The following CRPPA variants were observed in gnomAD, a reference collection of about 807,000 sequenced individuals.
CRPPA encodes the protein D-ribitol-5-phosphate cytidylyltransferase.
In CRPPA, 43 loss-of-function variants were observed where a neutral mutation model predicts 52.0. That is an observed-to-expected ratio of 0.83 (90% confidence interval 0.65 to 1.07). The LOEUF (loss-of-function observed/expected upper bound fraction) is 1.07, where lower values mean the gene tolerates loss of function less well. CRPPA is among the 50% of genes least tolerant of loss of function. CRPPA has a pLI of 0.00. For missense variants in CRPPA, 629 were observed against 551.7 expected, an observed-to-expected ratio of 1.14 and a Z score of -1.40; for synonymous variants, 250 against 203.5, an observed-to-expected ratio of 1.23 and a Z score of -1.94.
At chr7:16,269,531 T>C (rs1338704410) in intron 6 of CRPPA, 5 of 152,178 alleles carry the variant, frequency 3.3e-5, no homozygotes, top group Non-Finnish European at 4.4e-5. Context: ...ATAGACTTTT[T>C]TTTACCCTCA....
At chr7:16,103,555 CAG>C (rs1373606378) in intron 9 of CRPPA, among the ~76,000 whole-genome samples, 1 of 152,118 alleles carries the variant, frequency 6.6e-6, no homozygotes, top group East Asian at 1.9e-4. Flanking sequence ...GAACTGGAAA[CAG>C]TGTCAAAAAC....
intron 2 of CRPPA, among the ~76,000 whole-genome samples, chr7:16,381,216 A>C (rs997640362): frequency 6.6e-6 from 1 of 152,184 alleles, no homozygotes; most frequent in African/African-American, 2.4e-5. Context: ...GTTTCAAAGA[A>C]CATCTTTATT....
chr7:16,324,949 C>G (rs1185187784), intron 3 of CRPPA, among the ~76,000 whole-genome samples: 1 of 152,194 alleles, frequency 6.6e-6, no homozygotes, highest in African/African-American at 2.4e-5. Context: ...ATGACAATTC[C>G]TGCTAAGGAT....
At chr7:16,357,349 T>C (rs762718168) in intron 3 of CRPPA, among the ~76,000 whole-genome samples, 1 of 152,104 alleles carries the variant, frequency 6.6e-6, no homozygotes, top group South Asian at 2.1e-4. Context: ...TGGCTAATTT[T>C]TGTAGTTTTA....
At chr7:16,232,409 C>T (rs908452919) in intron 8 of CRPPA, among the ~76,000 whole-genome samples, 10 of 152,166 alleles carry the variant, frequency 6.6e-5, no homozygotes, top group African/African-American at 2.4e-4. Flanking sequence ...ATGAGTTCAG[C>T]CCACTTCTCT....
In CRPPA at chr7:16,089,452, CAT is replaced by C. The variant is rs1011122551; in HGVS notation, c.*2241_*2242del. 4.2e-5 allele frequency: 12 copies of C among 287,666 alleles called. No individual in the cohort carries two copies. Among genetic ancestry groups the C allele is most frequent in the African/African-American group, 1.1e-4 (4 of 34,814 alleles). 17.8% of individuals were successfully genotyped at this position (287,666 alleles called of 1,614,324 possible). On this transcript the variant is annotated 3_prime_UTR_variant, in exon 10 of 10. Transcript: ENST00000407010. ...ATATGTGTATATATGTACGTGCATA[CAT>C]ATATGTGTATATATGTACGTACATA...
chr7:16,276,021 G>A (rs1784196545), intron 6 of CRPPA, among the ~76,000 whole-genome samples: 2 of 151,786 alleles, frequency 1.3e-5, no homozygotes, highest in Admixed American at 6.6e-5. Flanking sequence ...GTCAGACTTG[G>A]AATAACTTAG....
At chr7:16,376,356 T>G in intron 2 of CRPPA, 115 bp from the exon 3 acceptor site, 1 of 1,021,008 alleles carries the variant, frequency 9.8e-7, no homozygotes, top group South Asian at 1.9e-5. Flanking sequence ...CAAGCTACCT[T>G]AAGAAAACAT....
chr7:16,127,336 G>C (rs914994321), intron 9 of CRPPA, among the ~76,000 whole-genome samples: 3 of 151,990 alleles, frequency 2.0e-5, no homozygotes, highest in Admixed American at 6.6e-5. Context: ...TTGTACTTGA[G>C]TTGTAGGCTA....
intron 3 of CRPPA, among the ~76,000 whole-genome samples, chr7:16,349,025 T>A (rs1331089174): frequency 1.3e-5 from 2 of 152,224 alleles, no homozygotes; most frequent in Non-Finnish European, 2.9e-5. Flanking sequence ...AGGGTGCAGC[T>A]TGAATGTGAG....
chr7:16,093,411 C>T lies in CRPPA; in HGVS notation c.1252-1612G>A, dbSNP rs114359542. Among the ~76,000 whole-genome samples the T allele has an allele frequency of 5.5e-3, 842 of 152,212 alleles. 8 individuals are homozygous for T. Among genetic ancestry groups the T allele is most frequent in the African/African-American group, 0.019 (770 of 41,522 alleles). The stretch of plus-strand genomic sequence containing the variant: ...ATATATTATTGAAGCCTCACCACAA[C>T]CATTACATGCTCCCACCACCCTATG... On this transcript the variant is annotated intron_variant, in intron 9 of 9. Coordinates refer to ENST00000407010, the MANE Select transcript of CRPPA (RefSeq NM_001101426.4).
At chr7:16,397,638 C>T (rs1178143067) in intron 2 of CRPPA, among the ~76,000 whole-genome samples, 2 of 152,088 alleles carry the variant, frequency 1.3e-5, no homozygotes, top group East Asian at 1.9e-4. Flanking sequence ...GTGTGTGACA[C>T]GTGACACATG....
rs1379761154 is a variant in CRPPA, at chr7:16,333,738, TA to T, written c.685-25112del. On this transcript the variant is annotated intron_variant, in intron 3 of 9. Transcript: ENST00000407010. ...GCAAGATGGCTGATTAGAATTTCTT[TA>T]GCTTCTCCCCCAATTTCACAAACAG... Among the ~76,000 whole-genome samples, 3 of 152,158 alleles carry T rather than the reference TA, an allele frequency of 2.0e-5. No individual in the cohort carries two copies. In the East Asian group the frequency reaches 5.8e-4, roughly 29 times the overall value.
intron 9 of CRPPA, among the ~76,000 whole-genome samples, chr7:16,129,564 C>A (rs545191096): frequency 1.3e-5 from 2 of 152,168 alleles, no homozygotes; most frequent in East Asian, 1.9e-4. Context: ...GCCACAATAC[C>A]AGATATCATG....
intron 3 of CRPPA, among the ~76,000 whole-genome samples, chr7:16,361,096 T>C (rs1786431391): frequency 6.6e-6 from 1 of 152,066 alleles, no homozygotes; most frequent in Non-Finnish European, 1.5e-5. Context: ...AATGGCCAAT[T>C]AGTAGATAAA....
At chr7:16,109,921 T>C (rs921762739) in intron 9 of CRPPA, among the ~76,000 whole-genome samples, 1 of 152,032 alleles carries the variant, frequency 6.6e-6, no homozygotes, top group South Asian at 2.1e-4. Context: ...ACCACTTCTA[T>C]TTTATAGAAT....
intron 3 of CRPPA, among the ~76,000 whole-genome samples, chr7:16,315,215 T>C (rs886579822): frequency 3.3e-5 from 5 of 152,166 alleles, no homozygotes; most frequent in Non-Finnish European, 7.4e-5. Context: ...GCATTTCTTT[T>C]TGGTTCTTTC....
chr7:16,292,220 C>A (rs1308943302), intron 5 of CRPPA, among the ~76,000 whole-genome samples: 2 of 151,920 alleles, frequency 1.3e-5, no homozygotes, highest in Non-Finnish European at 2.9e-5. Flanking sequence ...GTTTTGGCTG[C>A]TTCACTGGTC....
At position 16,221,362 on chromosome 7, in the gene CRPPA, C is replaced by T. The variant is rs546044739; in HGVS notation, c.1120-5165G>A. 6.3e-3 allele frequency among the ~76,000 whole-genome samples: 957 copies of T among 152,134 alleles called. 16 individuals are homozygous for T. The highest frequency in any genetic ancestry group is 0.023 in the African/African-American group (937 of 41,512). Reference sequence around the variant, plus strand: ...AAACCCTAGAAGAAAACCTAGGCATCACCATTCAGGACATAGGCATGGGCA... The same window carrying T: ...AAACCCTAGAAGAAAACCTAGGCATTACCATTCAGGACATAGGCATGGGCA... On this transcript the variant is annotated intron_variant, in intron 8 of 9. Transcript: ENST00000407010.
Sources: allele counts gnomAD v4.1 joint callset (sites outside exome capture counted in the v4.1 genomes callset), GRCh38; gene constraint gnomAD v4.1.1; transcripts MANE v1.5; gene names NCBI Gene and HGNC (gene_info 2026-07-23, HGNC 2026-07-21).